Variants in BRIP1 observed in about 807,000 individuals in gnomAD.
BRIP1 encodes the protein BRCA1 interacting DNA helicase 1, also known as Fanconi anemia group J protein.
In BRIP1, 88 loss-of-function variants were observed where a neutral mutation model predicts 119.7. The ratio of observed to expected loss-of-function variants is 0.74; its 90% CI spans 0.62 to 0.88. BRIP1 has a LOEUF of 0.88. Ranked by LOEUF, BRIP1 falls within the 40% of genes least tolerant of loss-of-function variation. The probability of loss-of-function intolerance (pLI) is 0.00; values close to 1 mark genes in which losing one functional copy is unlikely to be tolerated. For missense variants in BRIP1, 1,259 were observed against 1,455.4 expected (o/e 0.87, Z 2.20); for synonymous variants, 443 against 496.5 (o/e 0.89, Z 1.43).
Position 61,780,248 on chromosome 17 carries a change from AAC to A in BRIP1, c.1935+11_1935+12del. The A allele has an allele frequency of 6.2e-7, 1 of 1,610,726 alleles. No homozygotes were observed. The highest frequency in any genetic ancestry group is 1.1e-5 in the South Asian group (1 of 90,592). On this transcript the variant is annotated intron_variant, in intron 13 of 19. Transcript: ENST00000259008. This position sits in a 1 kb window ranked among gnomAD's most constrained non-coding sequence, Gnocchi z 5.4. ...ACACTGAAGGCCTTCCAAAAAAAAAAACAACAACTAACCTGTGAATTTTTAAT... is the reference window on the plus strand; with the variant it reads ...ACACTGAAGGCCTTCCAAAAAAAAAAAACAACTAACCTGTGAATTTTTAAT...
rs4988352 is a variant in BRIP1 at position 61,776,394 on chromosome 17, C to G, written c.2097+7G>C. ...AAAGGCAAAAGAAACAATAAATATTCCCTTACCTTGTAAGATGGCAAGAAA... is the reference window on the plus strand; with the variant it reads ...AAAGGCAAAAGAAACAATAAATATTGCCTTACCTTGTAAGATGGCAAGAAA... On this transcript the variant is annotated splice_region_variant and intron_variant, in intron 14 of 19. Transcript: ENST00000259008. This position sits in a 1 kb window ranked among gnomAD's most constrained non-coding sequence, Gnocchi z 5.0. 2 of 1,613,880 alleles carry G rather than the reference C, an allele frequency of 1.2e-6. No homozygotes were observed. Among genetic ancestry groups the G allele is most frequent in the South Asian group, 2.2e-5 (2 of 91,078 alleles).
At position 61,793,115 on chromosome 17, in the gene BRIP1, T is replaced by A. The variant is rs1310371677; in HGVS notation, c.1473+482A>T. 6.6e-6 allele frequency among the ~76,000 whole-genome samples: 1 copy of A among 152,174 alleles called. No homozygotes were observed. Among genetic ancestry groups the A allele is most frequent in the Admixed American group, 6.5e-5 (1 of 15,274 alleles). ...ACATTAGAAAATATAATGAAATTTA[T>A]GCAGCCTCTATTTAGAAAAATGTAC... On this transcript the variant is annotated intron_variant, in intron 10 of 19. Coordinates refer to ENST00000259008, the MANE Select transcript of BRIP1 (RefSeq NM_032043.3). The surrounding 1 kb of genome is among the most constrained non-coding windows in gnomAD (Gnocchi z 5.2).
In BRIP1 at chr17:61,710,637, A is replaced by C. The variant is rs2061756302; in HGVS notation, c.2492+5314T>G. Among the ~76,000 whole-genome samples, 1 of 152,246 alleles carries C rather than the reference A, an allele frequency of 6.6e-6. No homozygotes were observed. On this transcript the variant is annotated intron_variant, in intron 17 of 19. Transcript: ENST00000259008. This position sits in a 1 kb window ranked among gnomAD's most constrained non-coding sequence, Gnocchi z 5.4. The stretch of plus-strand genomic sequence containing the variant: ...TTGATAGTTTAATACTGACATACTT[A>C]TGTTTAATAGTGAAAAATTCGGTGG...
rs1476471547 is a variant in BRIP1, at chr17:61,823,314, T to C, written c.628-14557A>G. ...ATACGAAAAAACAGAAATCTTATCTTGCACCATAAACTACTAACAAATTGG... is the reference window on the plus strand; with the variant it reads ...ATACGAAAAAACAGAAATCTTATCTCGCACCATAAACTACTAACAAATTGG... On this transcript the variant is annotated intron_variant, in intron 6 of 19. Coordinates refer to ENST00000259008, the MANE Select transcript of BRIP1 (RefSeq NM_032043.3). The surrounding 1 kb of genome is among the most constrained non-coding windows in gnomAD (Gnocchi z 4.8). Among the ~76,000 whole-genome samples, 1 of 152,232 alleles carries C rather than the reference T, an allele frequency of 6.6e-6. No individual in the cohort carries two copies. Among genetic ancestry groups the C allele is most frequent in the Non-Finnish European group, 1.5e-5 (1 of 68,040 alleles).
chr17:61,858,078 A>C (rs2078922342), intron 3 of BRIP1, among the ~76,000 whole-genome samples: 1 of 152,188 alleles, frequency 6.6e-6, no homozygotes, highest in Non-Finnish European at 1.5e-5. Flanking sequence ...TATTCAAATC[A>C]ATAAAATAGG....
chr17:61,715,588 G>A (rs2061847529), intron 17 of BRIP1, among the ~76,000 whole-genome samples: 1 of 152,156 alleles, frequency 6.6e-6, no homozygotes, highest in Non-Finnish European at 1.5e-5. Flanking sequence ...GGGAGGTGAG[G>A]AGAGAGGTCT....
At chr17:61,696,319 C>T (rs2061520699) in intron 17 of BRIP1, among the ~76,000 whole-genome samples, 1 of 151,308 alleles carries the variant, frequency 6.6e-6, no homozygotes, top group Admixed American at 6.6e-5. Context: ...TGGGATCAAT[C>T]TTACTTGGTC....
chr17:61,771,269 A>C (rs369333382), intron 14 of BRIP1, among the ~76,000 whole-genome samples: 67 of 152,358 alleles, frequency 4.4e-4, no homozygotes, highest in African/African-American at 1.6e-3. Flanking sequence ...AGGTAAGAGT[A>C]GGCAGTGACT....
rs1245548868 is a variant in BRIP1, at chr17:61,693,060, T to G, written c.2575+370A>C. 6.6e-6 allele frequency among the ~76,000 whole-genome samples: 1 copy of G among 152,194 alleles called. No homozygotes were observed. Among genetic ancestry groups the G allele is most frequent in the Non-Finnish European group, 1.5e-5 (1 of 68,026 alleles). ...GCAGTCATTGAAAAGAAGGAAATCC[T>G]GCAACATAGATGAACCTTGAGGACA... On this transcript the variant is annotated intron_variant, in intron 18 of 19. Coordinates refer to ENST00000259008, the MANE Select transcript of BRIP1 (RefSeq NM_032043.3). This position sits in a 1 kb window ranked among gnomAD's most constrained non-coding sequence, Gnocchi z 4.2.
chr17:61,781,961 G>A (rs547279017), intron 11 of BRIP1, among the ~76,000 whole-genome samples: 11 of 150,190 alleles, frequency 7.3e-5, no homozygotes, highest in Non-Finnish European at 1.5e-4. Flanking sequence ...TCTCTACCAT[G>A]TCTTCGCTAT....
Position 61,825,954 on chromosome 17 carries a change from A to G in BRIP1, c.628-17197T>C, listed in dbSNP as rs913754705. ...GAGCCCAAAAAGCCAAGGCAACCCT[A>G]AGCAAAAAGAACAAAGCTGGAGGCA... On this transcript the variant is annotated intron_variant, in intron 6 of 19. Transcript: ENST00000259008. This position sits in a 1 kb window ranked among gnomAD's most constrained non-coding sequence, Gnocchi z 4.1. 6.6e-6 allele frequency among the ~76,000 whole-genome samples: 1 copy of G among 152,184 alleles called. No homozygotes were observed. The highest frequency in any genetic ancestry group is 2.1e-4 in the South Asian group (1 of 4,836).
At chr17:61,819,129 C>T (rs976040227) in intron 6 of BRIP1, among the ~76,000 whole-genome samples, 24 of 148,964 alleles carry the variant, frequency 1.6e-4, no homozygotes, top group Admixed American at 1.3e-3. Flanking sequence ...GAAGTTGCAG[C>T]GAGCCGAGAT....
intron 13 of BRIP1, among the ~76,000 whole-genome samples, chr17:61,779,606 C>A (rs2077583634): frequency 6.6e-6 from 1 of 151,960 alleles, no homozygotes; most frequent in East Asian, 1.9e-4. Context: ...GGTGACAGAG[C>A]AAAACCTTGT....
At position 61,780,307 on chromosome 17, in the gene BRIP1, G is replaced by T. The variant is rs780407946; in HGVS notation, c.1889C>A (p.Thr630Lys). ...ATTAGCCTCCAGCTGGATAGTAAAT[G>T]TAACACCAAGTTCTGACGAAAAGGA... The part of the protein sequence containing the change: ...MKSFSSELGV[T>K]FTIQLEANHI... Residue 630 changes from threonine (T) to lysine (K), a missense_variant, in exon 13 of 20, where the codon ACA becomes AAA. Thr to Lys is a moderately conservative substitution (Grantham distance 78). Around this residue, in one of 3 missense-constraint regions of BRIP1, gnomAD observed 753 missense variants for 891.8 expected, o/e 0.84. Transcript: ENST00000259008. The surrounding 1 kb of genome is among the most constrained non-coding windows in gnomAD (Gnocchi z 5.4). 3 of 1,612,562 alleles carry T rather than the reference G, an allele frequency of 1.9e-6. No homozygotes were observed. Among genetic ancestry groups the T allele is most frequent in the South Asian group, 2.2e-5 (2 of 91,046 alleles).
At position 61,825,851 on chromosome 17, in the gene BRIP1, C is replaced by T. The variant is rs1185590051; in HGVS notation, c.628-17094G>A. 6.6e-6 allele frequency among the ~76,000 whole-genome samples: 1 copy of T among 152,020 alleles called. No individual in the cohort carries two copies. Among genetic ancestry groups the T allele is most frequent in the Non-Finnish European group, 1.5e-5 (1 of 67,994 alleles). On this transcript the variant is annotated intron_variant, in intron 6 of 19. Coordinates refer to ENST00000259008, the MANE Select transcript of BRIP1 (RefSeq NM_032043.3). The surrounding 1 kb of genome is among the most constrained non-coding windows in gnomAD (Gnocchi z 4.1). ...CCCAAAGCAATTTACAGATTCAATG[C>T]TATTCCTATTAAACTACCACTGACA...
chr17:61,788,282 C>G (rs985025269), intron 10 of BRIP1, among the ~76,000 whole-genome samples: 1 of 151,672 alleles, frequency 6.6e-6, no homozygotes, highest in Non-Finnish European at 1.5e-5. Context: ...CTAACCAAAG[C>G]CATCTAATCT....
chr17:61,847,291 C>T, intron 5 of BRIP1, 71 bp from the exon 6 acceptor site: 2 of 1,513,532 alleles, frequency 1.3e-6, no homozygotes, highest in Admixed American at 3.4e-5. Flanking sequence ...TCTCAAAGGC[C>T]AAAACAGCTC....
At chr17:61,731,982 T>A (rs35722739) in intron 16 of BRIP1, among the ~76,000 whole-genome samples, 1 of 72,130 alleles carries the variant, frequency 1.4e-5, no homozygotes, top group Non-Finnish European at 2.6e-5. Context: ...TCTTTCTTTC[T>A]TTTTTTTTTT....
In BRIP1 at chr17:61,739,667, A is replaced by G. The variant is rs1398843415; in HGVS notation, c.2379+3346T>C. 1.3e-5 allele frequency among the ~76,000 whole-genome samples: 2 copies of G among 152,218 alleles called. No homozygotes were observed. Among genetic ancestry groups the G allele is most frequent in the Non-Finnish European group, 2.9e-5 (2 of 68,032 alleles). On this transcript the variant is annotated intron_variant, in intron 16 of 19. Transcript: ENST00000259008. This position sits in a 1 kb window ranked among gnomAD's most constrained non-coding sequence, Gnocchi z 6.0. The stretch of plus-strand genomic sequence containing the variant: ...TAAAGTATTAACAATTAAAAAGATA[A>G]CTATTCTAATGAAAGAACTCCTGCT...
Sources: gnomAD v4.1 joint callset for allele counts (sites outside exome capture counted in the v4.1 genomes callset) on GRCh38, gnomAD v4.1.1 for gene constraint, gnomAD v4.1.1 regional missense constraint, Gnocchi (gnomAD v3.1) non-coding constraint, MANE v1.5 for transcripts, NCBI Gene and HGNC (gene_info 2026-07-23, HGNC 2026-07-21) for gene names.